SP4: variants seen among roughly 807,000 people sequenced by gnomAD.
The protein encoded by SP4 is transcription factor Sp4.
A neutral mutation model predicts 72.8 loss-of-function variants in SP4; 19 were observed. That is an observed-to-expected ratio of 0.26 (90% CI 0.18 to 0.38). SP4 has a LOEUF of 0.38. SP4 is among the 10% of genes least tolerant of loss of function. The probability of loss-of-function intolerance (pLI) is 1.00; values close to 1 mark genes in which losing one functional copy is unlikely to be tolerated. For synonymous variants in SP4, 395 were observed against 333.1 expected (o/e 1.19, Z -2.02); for missense variants, 1,008 against 926.3 (o/e 1.09, Z -1.14).
chr7:21,434,587 T>G (rs1408010594), intron 3 of SP4, among the ~76,000 whole-genome samples: 1 of 152,192 alleles, frequency 6.6e-6, no homozygotes, highest in Non-Finnish European at 1.5e-5. Context: ...ATTCTAAATT[T>G]AACTTAAAAT....
At chr7:21,494,631 AACT>A (rs764605897) in intron 5 of SP4, among the ~76,000 whole-genome samples, 68 of 152,212 alleles carry the variant, frequency 4.5e-4, no homozygotes, top group Non-Finnish European at 6.0e-4. Context: ...TGCAATGAAG[AACT>A]ACATTAATGC....
chr7:21,462,036 T>G (rs1204440227), intron 3 of SP4, among the ~76,000 whole-genome samples: 1 of 148,772 alleles, frequency 6.7e-6, no homozygotes, highest in African/African-American at 2.5e-5. Flanking sequence ...AGTTTTTTTT[T>G]TTTTTTTTTG....
intron 3 of SP4, among the ~76,000 whole-genome samples, chr7:21,447,224 C>T (rs1368035457): frequency 6.6e-6 from 1 of 152,128 alleles, no homozygotes; most frequent in Admixed American, 6.5e-5. Flanking sequence ...GCAGTATAAC[C>T]CTGTAATATA....
intron 3 of SP4, among the ~76,000 whole-genome samples, chr7:21,440,638 T>C (rs1382189175): frequency 6.6e-6 from 1 of 151,960 alleles, no homozygotes; most frequent in Admixed American, 6.6e-5. Flanking sequence ...TCACTTGAGC[T>C]CAGGAGTTTG....
At chr7:21,497,485 G>C (rs1478068875) in intron 5 of SP4, among the ~76,000 whole-genome samples, 2 of 151,700 alleles carry the variant, frequency 1.3e-5, no homozygotes, top group Non-Finnish European at 2.9e-5. Context: ...TGAAATGGTT[G>C]CTTTTGACAG....
At chr7:21,445,183 T>G (rs1455888891) in intron 3 of SP4, among the ~76,000 whole-genome samples, 3 of 152,164 alleles carry the variant, frequency 2.0e-5, no homozygotes, top group Non-Finnish European at 4.4e-5. Flanking sequence ...CTTTTATTTT[T>G]TGAAGAAAAG....
chr7:21,489,373 C>T (rs931787587), intron 5 of SP4, among the ~76,000 whole-genome samples: 35 of 151,940 alleles, frequency 2.3e-4, no homozygotes, highest in African/African-American at 8.2e-4. Context: ...CAGGCCAGAA[C>T]GCAGTGATGT....
chr7:21,493,199 G>GAAGA (rs1554300575), intron 5 of SP4, among the ~76,000 whole-genome samples: 4 of 146,478 alleles, frequency 2.7e-5, no homozygotes, highest in African/African-American at 1.0e-4. Flanking sequence ...GATTCCATGT[G>GAAGA]AAAAAAAAAA....
At chr7:21,492,000 G>T (rs890190375) in intron 5 of SP4, among the ~76,000 whole-genome samples, 12 of 152,172 alleles carry the variant, frequency 7.9e-5, no homozygotes, top group Admixed American at 2.0e-4. Flanking sequence ...CAAAAGAAAT[G>T]CTAAATACCT....
chr7:21,508,479 A>C (rs1782063117), intron 5 of SP4, among the ~76,000 whole-genome samples: 1 of 152,048 alleles, frequency 6.6e-6, no homozygotes, highest in Non-Finnish European at 1.5e-5. Context: ...GGCGTGCATC[A>C]CCACGCCCAG....
intron 5 of SP4, among the ~76,000 whole-genome samples, chr7:21,488,747 A>G (rs752637947): frequency 1.3e-5 from 2 of 152,076 alleles, no homozygotes; most frequent in Non-Finnish European, 2.9e-5. Flanking sequence ...CCTGGGCAAT[A>G]TAACAAGACC....
chr7:21,472,162 A>G (rs1196482064), intron 3 of SP4, among the ~76,000 whole-genome samples: 1 of 152,218 alleles, frequency 6.6e-6, no homozygotes, highest in Non-Finnish European at 1.5e-5. Context: ...ATCAGCTTAC[A>G]CATAGCAGTA....
intron 3 of SP4, among the ~76,000 whole-genome samples, chr7:21,435,219 T>C (rs1314552168): frequency 1.3e-5 from 2 of 152,180 alleles, no homozygotes; most frequent in Non-Finnish European, 2.9e-5. Context: ...ATTAACAATA[T>C]TATGCTGGTT....
At chr7:21,437,329 G>A (rs564244053) in intron 3 of SP4, among the ~76,000 whole-genome samples, 1 of 152,248 alleles carries the variant, frequency 6.6e-6, no homozygotes, top group African/African-American at 2.4e-5. Context: ...TTCCAGATGA[G>A]TATCCAAAGG....
intron 3 of SP4, among the ~76,000 whole-genome samples, chr7:21,460,536 A>G (rs915683671): frequency 3.3e-5 from 5 of 152,200 alleles, no homozygotes; most frequent in Non-Finnish European, 7.3e-5. Context: ...AAGCTTCCAC[A>G]GTATGGAAGG....
chr7:21,497,739 A>G (rs374181942), intron 5 of SP4, among the ~76,000 whole-genome samples: 28 of 152,360 alleles, frequency 1.8e-4, no homozygotes, highest in East Asian at 1.7e-3. Flanking sequence ...ATCTTGATGT[A>G]GTCATCTATT....
At chr7:21,452,571 TA>T (rs1267575520) in intron 3 of SP4, among the ~76,000 whole-genome samples, 2 of 152,144 alleles carry the variant, frequency 1.3e-5, no homozygotes, top group Non-Finnish European at 2.9e-5. Context: ...TTTTGATTCT[TA>T]AAGGAAAGCA....
At chr7:21,479,173 C>CT (rs1562615388) in intron 4 of SP4, among the ~76,000 whole-genome samples, 2 of 150,882 alleles carry the variant, frequency 1.3e-5, no homozygotes, top group Admixed American at 1.3e-4. Context: ...ATTTTGAAGT[C>CT]TAGAGTTTTC....
chr7:21,502,051 C>A (rs1032313607), intron 5 of SP4, among the ~76,000 whole-genome samples: 4 of 81,864 alleles, frequency 4.9e-5, no homozygotes, highest in Admixed American at 1.1e-4. Flanking sequence ...CCCCCCCCCC[C>A]CCGGAACTCC....
Sources: gnomAD v4.1 joint callset for allele counts (sites outside exome capture counted in the v4.1 genomes callset) on GRCh38, gnomAD v4.1.1 for gene constraint, MANE v1.5 for transcripts, NCBI Gene and HGNC (gene_info 2026-07-23, HGNC 2026-07-21) for gene names.